ODAD2: variants seen among roughly 807,000 people sequenced by gnomAD.
ODAD2 encodes outer dynein arm-docking complex subunit 2.
In ODAD2, 89 loss-of-function variants were observed where a neutral mutation model predicts 106.8. The ratio of observed to expected loss-of-function variants is 0.83; its 90% CI spans 0.70 to 0.99. The LOEUF (loss-of-function observed/expected upper bound fraction) is 0.99, where lower values mean the gene tolerates loss of function less well. ODAD2 is among the 50% of genes least tolerant of loss of function. The probability of loss-of-function intolerance (pLI) is 0.00; values close to 1 mark genes in which losing one functional copy is unlikely to be tolerated. For missense variants in ODAD2, 1,168 were observed against 1,238.5 expected (o/e 0.94, Z 0.85); for synonymous variants, 404 against 436.2 (o/e 0.93, Z 0.92).
intron 10 of ODAD2, among the ~76,000 whole-genome samples, chr10:27,949,041 C>T (rs1052860177): frequency 1.3e-5 from 2 of 151,826 alleles, no homozygotes; most frequent in Non-Finnish European, 2.9e-5. Context: ...CAAGTATTAC[C>T]CTGTTTGGTA....
intron 17 of ODAD2, among the ~76,000 whole-genome samples, chr10:27,899,828 A>G (rs1233806717): frequency 1.3e-5 from 2 of 152,162 alleles, no homozygotes; most frequent in Non-Finnish European, 2.9e-5. Context: ...GAGCTTATAC[A>G]TAAAACTCCC....
At chr10:27,852,125 A>G (rs909308209) in intron 19 of ODAD2, among the ~76,000 whole-genome samples, 11 of 152,254 alleles carry the variant, frequency 7.2e-5, no homozygotes, top group Non-Finnish European at 1.6e-4. Context: ...TTTTAGATAT[A>G]TAAGACCTGA....
Position 27,915,211 on chromosome 10 carries a change from A to C in ODAD2, c.2496-7434T>G, listed in dbSNP as rs369929674. 1.5e-3 allele frequency among the ~76,000 whole-genome samples: 227 copies of C among 152,296 alleles called. 1 individual carries two copies. The highest frequency in any genetic ancestry group is 5.1e-3 in the African/African-American group (211 of 41,574). On this transcript the variant is annotated intron_variant, in intron 16 of 19. Transcript: ENST00000305242. Reference sequence around the variant, plus strand: ...AAAAAGCCAATCTTAAAAGCAACCAAAGAAAAAAAATGCATACGTCTTAGT... The same window carrying C: ...AAAAAGCCAATCTTAAAAGCAACCACAGAAAAAAAATGCATACGTCTTAGT...
At chr10:27,897,177 T>C (rs1413772) in intron 17 of ODAD2, among the ~76,000 whole-genome samples, 100,682 of 151,808 alleles carry the variant, frequency 0.66, 33,721 homozygotes, top group Middle Eastern at 0.74. Context: ...GCCTGCCTTC[T>C]TTCTTTACTT....
At position 27,863,309 on chromosome 10, in the gene ODAD2, G is replaced by C. The variant is rs184789090; in HGVS notation, c.2611-687C>G. Among the ~76,000 whole-genome samples, 175 of 152,134 alleles carry C rather than the reference G, an allele frequency of 1.2e-3. 1 individual carries two copies. Among genetic ancestry groups the C allele is most frequent in the African/African-American group, 4.0e-3 (165 of 41,496 alleles). ...TGAACAGTGAAATAACCAACAAAAA[G>C]CACAAAAATCCAAAAATTATGGCAC... is the stretch of plus-strand genomic sequence containing the variant. On this transcript the variant is annotated intron_variant, in intron 17 of 19. Transcript: ENST00000305242.
intron 7 of ODAD2, among the ~76,000 whole-genome samples, chr10:27,975,597 C>G (rs1004666231): frequency 1.1e-4 from 16 of 152,160 alleles, no homozygotes; most frequent in Non-Finnish European, 2.9e-5. Flanking sequence ...AAACAGACAA[C>G]CTGTATACTG....
chr10:27,832,028 A>G (rs1837517131), intron 19 of ODAD2, among the ~76,000 whole-genome samples: 1 of 152,256 alleles, frequency 6.6e-6, no homozygotes, highest in Admixed American at 6.5e-5. Context: ...CTTCCCCTGA[A>G]GGCTGGACCA....
chr10:27,974,521 G>A (rs1321239337), intron 7 of ODAD2, among the ~76,000 whole-genome samples: 1 of 152,040 alleles, frequency 6.6e-6, no homozygotes, highest in Non-Finnish European at 1.5e-5. Flanking sequence ...CAGCTTTGCT[G>A]TAGATCAGAT....
intron 10 of ODAD2, among the ~76,000 whole-genome samples, chr10:27,953,823 A>G (rs1588598330): frequency 6.6e-6 from 1 of 152,170 alleles, no homozygotes; most frequent in East Asian, 1.9e-4. Context: ...TAATATTTAA[A>G]GATTTTAAAC....
In ODAD2 at chr10:27,813,711, T is replaced by C. The variant is rs560901381; in HGVS notation, c.3022-1086A>G. Among the ~76,000 whole-genome samples, 302 of 152,300 alleles carry C rather than the reference T, an allele frequency of 2.0e-3. 2 individuals carry two copies. Among genetic ancestry groups the C allele is most frequent in the African/African-American group, 6.9e-3 (285 of 41,568 alleles). ...CAGGCTTAGGGTGTGGCTTTTACTC[T>C]ATAGGTAATAAAAAGAAGTTATTTA... is the stretch of plus-strand genomic sequence containing the variant. On this transcript the variant is annotated intron_variant, in intron 19 of 19. Transcript: ENST00000305242.
chr10:27,988,055 C>G lies in ODAD2; in HGVS notation c.225-512G>C, dbSNP rs1490187495. Among the ~76,000 whole-genome samples the G allele has an allele frequency of 4.7e-5, 7 of 150,014 alleles. No individual in the cohort carries two copies. In the East Asian group the frequency reaches 1.4e-3, roughly 29 times the overall value. ...AGGCAAACTAGATCCTCTCTGAATT[C>G]CTTTCCCACTCTAAACTTCTTTATT... On this transcript the variant is annotated intron_variant, in intron 2 of 19. Transcript: ENST00000305242.
chr10:27,872,404 G>C (rs538142860), intron 17 of ODAD2, among the ~76,000 whole-genome samples: 1 of 150,744 alleles, frequency 6.6e-6, no homozygotes, highest in South Asian at 2.1e-4. Flanking sequence ...TGAATAGCAG[G>C]GGTGAGAGAG....
chr10:27,907,685 C>G lies in ODAD2; in HGVS notation c.2588G>C (p.Cys863Ser), dbSNP rs1449236620. The change falls in exon 17 of 20, where the codon TGT (cysteine) becomes TCT (serine). Residue 863 changes from cysteine to serine, a missense_variant. Cys to Ser is a moderately radical substitution (Grantham distance 112). This residue lies in a region of ODAD2 where 701 missense variants were observed against 712.3 expected (regional missense o/e 0.98). Transcript: ENST00000305242. ...TACCTTTGCATTTTTGATGCATGGA[C>G]AGAGTGCCCATGCTGCGCTGGCCTT... ...DVKASAAWAL[C>S]PCIKNAKDAG... is the part of the protein sequence containing the mutation. The G allele has an allele frequency of 1.9e-6, 3 of 1,613,678 alleles. No homozygotes were observed. Among genetic ancestry groups the G allele is most frequent in the South Asian group, 2.2e-5 (2 of 91,064 alleles).
intron 7 of ODAD2, among the ~76,000 whole-genome samples, chr10:27,979,173 C>T (rs1364937259): frequency 2.7e-5 from 4 of 150,098 alleles, no homozygotes; most frequent in African/African-American, 9.8e-5. Flanking sequence ...CAAGATCATG[C>T]CACTGCACTC....
intron 17 of ODAD2, among the ~76,000 whole-genome samples, chr10:27,885,811 ATTATATATAATATAT>A (rs1842162874): frequency 1.1e-5 from 1 of 87,618 alleles, no homozygotes; most frequent in Non-Finnish European, 2.1e-5. Flanking sequence ...TAAAATATAT[ATTATATATAATATAT>A]AAATATATAT....
chr10:27,913,465 G>T (rs1844149290), intron 16 of ODAD2, among the ~76,000 whole-genome samples: 1 of 152,012 alleles, frequency 6.6e-6, no homozygotes, highest in South Asian at 2.1e-4. Flanking sequence ...AATTACAACA[G>T]AATAAAAATG....
chr10:27,858,636 C>T (rs1357174520), intron 19 of ODAD2, among the ~76,000 whole-genome samples: 1 of 93,168 alleles, frequency 1.1e-5, no homozygotes, highest in Admixed American at 1.2e-4. Flanking sequence ...CAGAAACTTT[C>T]CTAACTGTGT....
chr10:27,874,694 T>A (rs1372803404), intron 17 of ODAD2, among the ~76,000 whole-genome samples: 1 of 152,206 alleles, frequency 6.6e-6, no homozygotes, highest in Admixed American at 6.5e-5. Flanking sequence ...CCACTCCCTT[T>A]TGTCTTGTAG....
At chr10:27,930,379 A>G (rs1371420805) in intron 16 of ODAD2, among the ~76,000 whole-genome samples, 1 of 152,048 alleles carries the variant, frequency 6.6e-6, no homozygotes, top group African/African-American at 2.4e-5. Context: ...TTTGAAAACA[A>G]TTAGCACACC....
Sources: allele counts gnomAD v4.1 joint callset (sites outside exome capture counted in the v4.1 genomes callset), GRCh38; gene constraint gnomAD v4.1.1; regional missense constraint gnomAD v4.1.1; transcripts MANE v1.5; gene names NCBI Gene and HGNC (gene_info 2026-07-23, HGNC 2026-07-21).